Variants in KIF6 observed in about 807,000 individuals in gnomAD.
KIF6 encodes the protein kinesin-like protein KIF6.
Under a neutral mutation model 112.7 loss-of-function variants are expected in KIF6, and 106 were observed. That is an observed-to-expected ratio of 0.94 (90% CI 0.80 to 1.11). KIF6 has a LOEUF of 1.11. KIF6 is among the 50% of genes least tolerant of loss of function. The pLI is 0.00. For synonymous variants in KIF6, 339 were observed against 339.9 expected, an observed-to-expected ratio of 1.00 and a Z score of 0.03; for missense variants, 929 against 964.0, an observed-to-expected ratio of 0.96 and a Z score of 0.48.
intron 13 of KIF6, among the ~76,000 whole-genome samples, chr6:39,452,414 C>T (rs560907816): frequency 6.6e-6 from 1 of 152,196 alleles, no homozygotes; most frequent in African/African-American, 2.4e-5. Flanking sequence ...CAGGAAGCTG[C>T]CTTTCACTTC....
At chr6:39,362,192 A>G (rs1473256302) in intron 17 of KIF6, among the ~76,000 whole-genome samples, 1 of 152,152 alleles carries the variant, frequency 6.6e-6, no homozygotes, top group Non-Finnish European at 1.5e-5. Context: ...AGGTGGCAGC[A>G]GTGGACAAGC....
chr6:39,654,606 CTTG>C (rs913540910), intron 3 of KIF6, among the ~76,000 whole-genome samples: 1 of 152,158 alleles, frequency 6.6e-6, no homozygotes, highest in African/African-American at 2.4e-5. Flanking sequence ...TTAACAAATG[CTTG>C]TTAAAAATAT....
chr6:39,343,155 AG>A lies in KIF6; in HGVS notation c.2428+553del. 1.0e-6 allele frequency: 1 copy of A among 985,216 alleles called. No homozygotes were observed. Among genetic ancestry groups the A allele is most frequent in the Non-Finnish European group, 1.2e-6 (1 of 829,848 alleles). 61.0% of individuals were successfully genotyped at this position (985,216 alleles called of 1,614,324 possible). A position where few individuals can be genotyped will look rare whatever the true frequency, so the allele number is the denominator to read the frequency against. ...GCCAAGAGGACGGGGCTGGGGGTGG[AG>A]GGGGCAGTGATGCAGACCAAGAAGA... On this transcript the variant is annotated intron_variant, in intron 22 of 22. Transcript: ENST00000287152. This position sits in a 1 kb window ranked among gnomAD's most constrained non-coding sequence, Gnocchi z 4.1.
intron 13 of KIF6, among the ~76,000 whole-genome samples, chr6:39,499,268 G>C (rs7452767): frequency 6.6e-6 from 1 of 152,116 alleles, no homozygotes; most frequent in Non-Finnish European, 1.5e-5. Flanking sequence ...GGAGGTGCAA[G>C]AGGGCTTCCT....
At position 39,445,501 on chromosome 6, in the gene KIF6, T is replaced by G. The variant is rs76849481; in HGVS notation, c.1646-14340A>C. Among the ~76,000 whole-genome samples the G allele has an allele frequency of 2.2e-4, 33 of 152,314 alleles. No homozygotes were observed. The East Asian group carries it at 4.4e-3, about 20-fold the overall frequency. The stretch of plus-strand genomic sequence containing the variant: ...CGCTATTGACACCCTTTTCTATGGT[T>G]AGTTGGAGATAAGTAAAAGAAATAT... On this transcript the variant is annotated intron_variant, in intron 13 of 22. Coordinates refer to ENST00000287152, the MANE Select transcript of KIF6 (RefSeq NM_145027.6).
At chr6:39,558,764 A>G (rs1025381766) in intron 10 of KIF6, among the ~76,000 whole-genome samples, 1 of 152,220 alleles carries the variant, frequency 6.6e-6, no homozygotes, top group Non-Finnish European at 1.5e-5. Context: ...TATCAGCCAT[A>G]GTCCAACAAA....
At chr6:39,588,001 T>C (rs1781727285) in intron 7 of KIF6, among the ~76,000 whole-genome samples, 2 of 152,206 alleles carry the variant, frequency 1.3e-5, no homozygotes, top group African/African-American at 4.8e-5. Context: ...CTGCCTCCCT[T>C]GGGAAACACT....
In KIF6 at chr6:39,365,359, C is replaced by G. The variant is rs559589483; in HGVS notation, c.1862-2841G>C. Among the ~76,000 whole-genome samples the G allele has an allele frequency of 2.0e-5, 3 of 152,318 alleles. No homozygotes were observed. In the South Asian group the frequency reaches 6.2e-4, roughly 32 times the overall value. ...TCTGTGTTGGTGCAATTTATTGGCT[C>G]AGATGAGGCAGCCCGCCTGTCCACA... On this transcript the variant is annotated intron_variant, in intron 16 of 22. Transcript: ENST00000287152.
chr6:39,436,758 G>T (rs544171467), intron 13 of KIF6, among the ~76,000 whole-genome samples: 4 of 152,032 alleles, frequency 2.6e-5, no homozygotes, highest in African/African-American at 7.2e-5. Context: ...ATGCTGTTTT[G>T]GTTATTATAG....
Position 39,482,667 on chromosome 6 carries a change from TA to T in KIF6, c.1646-51507del, listed in dbSNP as rs34287679. On this transcript the variant is annotated intron_variant, in intron 13 of 22. Coordinates refer to ENST00000287152, the MANE Select transcript of KIF6 (RefSeq NM_145027.6). ...CGTGATGTTACTGATAATGAATACA[TA>T]ATTTGATGTTAGCAATGGCCAGGAG... 7.2e-3 allele frequency among the ~76,000 whole-genome samples: 1,097 copies of T among 152,314 alleles called. 10 individuals carry two copies. The highest frequency in any genetic ancestry group is 0.023 in the African/African-American group (966 of 41,564).
intron 13 of KIF6, among the ~76,000 whole-genome samples, chr6:39,449,877 C>T (rs760099112): frequency 1.2e-4 from 18 of 152,326 alleles, no homozygotes; most frequent in Non-Finnish European, 2.5e-4. Flanking sequence ...TTTTAAATAA[C>T]CTTTCTGTTC....
intron 3 of KIF6, among the ~76,000 whole-genome samples, chr6:39,679,113 A>G (rs1263818738): frequency 3.9e-5 from 6 of 152,268 alleles, no homozygotes; most frequent in East Asian, 3.8e-4. Context: ...ACTTGGCCCA[A>G]ACATCAATTT....
Position 39,533,506 on chromosome 6 carries a change from G to A in KIF6, c.1645+6497C>T, listed in dbSNP as rs373543701. Among the ~76,000 whole-genome samples, 767 of 152,322 alleles carry A rather than the reference G, an allele frequency of 5.0e-3. 6 individuals carry two copies. The highest frequency in any genetic ancestry group is 0.017 in the African/African-American group (702 of 41,584). ...GCTTGCTTAGGTAAACAAAGCAGCC[G>A]GGAAGCTTGAACTGGGTGGAGCCCA... is the stretch of plus-strand genomic sequence containing the variant. On this transcript the variant is annotated intron_variant, in intron 13 of 22. Transcript: ENST00000287152.
intron 16 of KIF6, among the ~76,000 whole-genome samples, chr6:39,368,928 C>A (rs1266329056): frequency 6.6e-6 from 1 of 152,204 alleles, no homozygotes; most frequent in African/African-American, 2.4e-5. Context: ...CCATGGCAGA[C>A]AAGACATCAG....
intron 13 of KIF6, among the ~76,000 whole-genome samples, chr6:39,472,586 C>G (rs1242828134): frequency 6.6e-6 from 1 of 152,186 alleles, no homozygotes; most frequent in African/African-American, 2.4e-5. Context: ...AACAATAACA[C>G]CACCTCCTCC....
chr6:39,651,278 A>G (rs915508988), intron 3 of KIF6, among the ~76,000 whole-genome samples: 7 of 152,208 alleles, frequency 4.6e-5, no homozygotes, highest in Non-Finnish European at 7.3e-5. Flanking sequence ...CAGAGATCCG[A>G]GAATCTAGGT....
intron 3 of KIF6, among the ~76,000 whole-genome samples, chr6:39,681,406 AAC>A (rs1787501285): frequency 1.3e-5 from 2 of 152,202 alleles, no homozygotes; most frequent in Non-Finnish European, 2.9e-5. Context: ...CATGTATAAA[AAC>A]AGCACCTGAG....
intron 19 of KIF6, among the ~76,000 whole-genome samples, chr6:39,347,789 GGCCTTCC>G (rs1244513998): frequency 6.6e-6 from 1 of 152,192 alleles, no homozygotes; most frequent in Admixed American, 6.5e-5. Context: ...CCCCGGCTCT[GGCCTTCC>G]GCCTTCCGAT....
rs139832871 is a variant in KIF6, at chr6:39,353,548, T to A, written c.2180+3729A>T. 4.8e-3 allele frequency among the ~76,000 whole-genome samples: 729 copies of A among 152,382 alleles called. 8 individuals carry two copies. Among genetic ancestry groups the A allele is most frequent in the African/African-American group, 0.016 (672 of 41,588 alleles). ...TTGTCTTTTAATTCTTTTAAAAATA[T>A]CTTTTGCAGAGTGGTGTTTTAATTT... On this transcript the variant is annotated intron_variant, in intron 19 of 22. Transcript: ENST00000287152.
Sources: gnomAD v4.1 joint callset for allele counts (sites outside exome capture counted in the v4.1 genomes callset) on GRCh38, gnomAD v4.1.1 for gene constraint, Gnocchi (gnomAD v3.1) non-coding constraint, MANE v1.5 for transcripts, NCBI Gene and HGNC (gene_info 2026-07-23, HGNC 2026-07-21) for gene names.